Variants in TUBGCP6 observed in about 807,000 individuals in gnomAD.
TUBGCP6 encodes tubulin gamma complex component 6.
Under a neutral mutation model 175.8 loss-of-function variants are expected in TUBGCP6, and 161 were observed. The observed-to-expected ratio is 0.92, with a 90% confidence interval of 0.81 to 1.04. TUBGCP6 has a LOEUF of 1.04. Among genes scored for constraint, TUBGCP6 ranks in the 50% least tolerant of loss-of-function variants. TUBGCP6 has a pLI of 0.00. For synonymous variants in TUBGCP6, 1,173 were observed against 1,030.5 expected (o/e 1.14, Z -2.65); for missense variants, 2,572 against 2,433.0 (o/e 1.06, Z -1.20).
intron 13 of TUBGCP6, 36 bp downstream of exon 13, chr22:50,224,105 A>G: frequency 6.3e-7 from 1 of 1,597,844 alleles, no homozygotes; most frequent in Middle Eastern, 1.9e-4. Flanking sequence ...CCCCTGCCGC[A>G]CTGCACCCCT....
intron 1 of TUBGCP6, among the ~76,000 whole-genome samples, chr22:50,243,024 A>G (rs1186348207): frequency 6.6e-6 from 1 of 152,182 alleles, no homozygotes; most frequent in Non-Finnish European, 1.5e-5. Context: ...GATAAAAGGA[A>G]GGTCACCGGG....
chr22:50,222,173 A>G, intron 14 of TUBGCP6, 71 bp from the exon 15 acceptor site: 1 of 1,501,630 alleles, frequency 6.7e-7, no homozygotes, highest in Non-Finnish European at 9.2e-7. Context: ...ACAAAGCCAC[A>G]GCCCCTACCG....
At position 50,244,419 on chromosome 22, in the gene TUBGCP6, G is replaced by T. The variant is rs767514907; in HGVS notation, c.41C>A (p.Ala14Asp). The T allele has an allele frequency of 6.2e-7, 1 of 1,612,880 alleles. No individual in the cohort carries two copies. Residue 14 changes from alanine to aspartate, a missense_variant, in exon 1 of 25, where the codon GCC becomes GAC. Physicochemically the swap from Ala to Asp is moderately radical, Grantham distance 126. Transcript: ENST00000248846. ...ITQLFDDLCE[A>D]LLPAAKTHLG... is the part of the protein sequence containing the mutation. The stretch of plus-strand genomic sequence containing the variant: ...GTGAGTCTTGGCAGCCGGCAGGAGG[G>T]CCTCACACAGGTCGTCGAACAGCTG...
intron 22 of TUBGCP6, 28 bp downstream of exon 22, chr22:50,218,460 G>GGGGCGCC: frequency 1.2e-6 from 2 of 1,612,988 alleles, no homozygotes; most frequent in Non-Finnish European, 1.7e-6. Flanking sequence ...CCAGGGGTGC[G>GGGGCGCC]GGGCGCCGGG....
chr22:50,228,064 C>T (rs564566641), intron 4 of TUBGCP6, 36 bp from the exon 5 acceptor site: 18 of 1,503,048 alleles, frequency 1.2e-5, no homozygotes, highest in African/African-American at 4.1e-5. Context: ...GGCGGCCAGG[C>T]ACATGGACGC....
At chr22:50,242,219 G>A (rs1259554656) in intron 1 of TUBGCP6, among the ~76,000 whole-genome samples, 1 of 151,990 alleles carries the variant, frequency 6.6e-6, no homozygotes, top group Non-Finnish European at 1.5e-5. Context: ...GTGAACCTGG[G>A]AGGCAGAGCT....
Position 50,217,989 on chromosome 22 carries a change from T to TCTGCACCCCGCGGGCCCC in TUBGCP6, c.5279_5296dup (p.Gly1760_Ala1765dup), listed in dbSNP as rs1356293857. 6.2e-7 allele frequency: 1 copy of TCTGCACCCCGCGGGCCCC among 1,611,276 alleles called. No individual in the cohort carries two copies. Among genetic ancestry groups the TCTGCACCCCGCGGGCCCC allele is most frequent in the African/African-American group, 1.3e-5 (1 of 74,814 alleles). On this transcript the variant is annotated inframe_insertion, in exon 24 of 25. Coordinates refer to ENST00000248846, the MANE Select transcript of TUBGCP6 (RefSeq NM_020461.4). ...CTGCATGAGTGCAAAGTTGGGGTGC[T>TCTGCACCCCGCGGGCCCC]CTGCACCCCGCGGGCCCCCAGGGGG...
intron 1 of TUBGCP6, 141 bp from the exon 2 acceptor site, chr22:50,240,508 A>G (rs1163241344): frequency 1.9e-5 from 20 of 1,040,356 alleles, no homozygotes; most frequent in Admixed American, 2.7e-5. Context: ...GTACCATACA[A>G]TGTTTCCCAC....
At chr22:50,226,492 G>T in intron 7 of TUBGCP6, 114 bp from the exon 8 acceptor site, 1 of 963,538 alleles carries the variant, frequency 1.0e-6, no homozygotes, top group Non-Finnish European at 1.6e-6. Flanking sequence ...AAGTGGGGGC[G>T]TAGCTGTGAG....
At chr22:50,243,001 C>T (rs1237628111) in intron 1 of TUBGCP6, among the ~76,000 whole-genome samples, 1 of 152,202 alleles carries the variant, frequency 6.6e-6, no homozygotes, top group African/African-American at 2.4e-5. Flanking sequence ...CAGACTATCC[C>T]CCCTTTTACC....
Position 50,218,063 on chromosome 22 carries a change from G to C in TUBGCP6, c.5223C>G (p.Phe1741Leu). The C allele has an allele frequency of 6.2e-7, 1 of 1,613,486 alleles. No homozygotes were observed. The highest frequency in any genetic ancestry group is 8.5e-7 in the Non-Finnish European group (1 of 1,179,966). Residue 1741 changes from phenylalanine to leucine, a missense_variant, in exon 24 of 25, where the codon TTC becomes TTG. By Grantham distance (22) the Phe-to-Leu change is conservative (BLOSUM62 0). Coordinates refer to ENST00000248846, the MANE Select transcript of TUBGCP6 (RefSeq NM_020461.4). The part of the protein sequence containing the change: ...APVMNVIHSI[F>L]SLVLKFRSQL... ...GGCTGCGGAACTTGAGCACGAGGCTGAAGATGCTGTGGATGACGTTCATGA... is the reference window on the plus strand; with the variant it reads ...GGCTGCGGAACTTGAGCACGAGGCTCAAGATGCTGTGGATGACGTTCATGA...
At chr22:50,229,228 G>GT (rs2064657933) in intron 4 of TUBGCP6, among the ~76,000 whole-genome samples, 176 bp downstream of exon 4, 1 of 152,166 alleles carries the variant, frequency 6.6e-6, no homozygotes, top group African/African-American at 2.4e-5. Context: ...TTCTAGTGAG[G>GT]TAAAACATCC....
At position 50,243,869 on chromosome 22, in the gene TUBGCP6, T is replaced by A. The variant is rs924437370; in HGVS notation, c.591A>T (p.Ser197=). ...GTGLPTVGLF[S]FGDPCGDRFE... is the part of the protein sequence containing the mutation. Reference sequence around the variant, plus strand: ...ACCTGTCACCACAAGGGTCACCAAATGAGAAGAGCCCGACGGTGGGCAGGC... The same window carrying A: ...ACCTGTCACCACAAGGGTCACCAAAAGAGAAGAGCCCGACGGTGGGCAGGC... The change falls in exon 1 of 25, where the codon TCA becomes TCT. Residue 197 remains serine (S), a synonymous_variant. Transcript: ENST00000248846. 1 of 1,613,634 alleles carries A rather than the reference T, an allele frequency of 6.2e-7. No homozygotes were observed. The highest frequency in any genetic ancestry group is 1.3e-5 in the African/African-American group (1 of 74,948).
At position 50,218,369 on chromosome 22, in the gene TUBGCP6, A is replaced by T; in HGVS notation, c.4988T>A (p.Phe1663Tyr). Residue 1663 changes from phenylalanine to tyrosine, a missense_variant, in exon 23 of 25, where the codon TTC becomes TAC. By Grantham distance (22) the Phe-to-Tyr change is conservative. Transcript: ENST00000248846. ...GTGCTTGAACAGCTGCAGCTGACGG[A>T]ACTGCACAGAGCCGGCCATGTGGCT... ...LLSHMAGSVQ[F>Y]RQLQLFKHEM... 3.1e-6 allele frequency: 5 copies of T among 1,613,078 alleles called. No individual in the cohort carries two copies. Among genetic ancestry groups the T allele is most frequent in the Non-Finnish European group, 4.2e-6 (5 of 1,179,962 alleles).
rs781058339 is a variant in TUBGCP6, at chr22:50,218,832, C to T, written c.4692G>A (p.Lys1564=). 10 of 1,614,120 alleles carry T rather than the reference C, an allele frequency of 6.2e-6. No homozygotes were observed. Among genetic ancestry groups the T allele is most frequent in the South Asian group, 1.1e-5 (1 of 91,084 alleles). ...NPLVLNSVLS[K]ALQCSLHGDT... ...CCCCATGCAGGCTGCACTGCAGGGC[C>T]TTGCTCAGCACAGAGTTCAGCACCA... The change falls in exon 21 of 25, where the codon AAG becomes AAA. Residue 1564 remains lysine, a synonymous_variant. Transcript: ENST00000248846.
intron 2 of TUBGCP6, among the ~76,000 whole-genome samples, chr22:50,234,796 T>G (rs1164634216): frequency 7.4e-6 from 1 of 134,282 alleles, no homozygotes; most frequent in Non-Finnish European, 1.6e-5. Context: ...CACATCCAGG[T>G]CCACAGCAGC....
At chr22:50,229,353 T>C (rs1031787536) in intron 4 of TUBGCP6, 51 bp downstream of exon 4, 1 of 1,588,282 alleles carries the variant, frequency 6.3e-7, no homozygotes, top group African/African-American at 1.3e-5. Flanking sequence ...TTCCAGGTCG[T>C]GTGCACCGTT....
rs769433642 is a variant in TUBGCP6 at position 50,221,440 on chromosome 22, T to C, written c.2919A>G (p.Ala973=). The C allele has an allele frequency of 1.9e-6, 3 of 1,597,550 alleles. No individual in the cohort carries two copies. The highest frequency in any genetic ancestry group is 2.6e-6 in the Non-Finnish European group (3 of 1,174,662). The change falls in exon 16 of 25, where the codon GCA becomes GCG. Residue 973 remains alanine, a synonymous_variant. Transcript: ENST00000248846. ...TSPAPGPLQA[A]ECSLGSSGLQ... is the part of the protein sequence containing the mutation. ...GCCCTGAGCTGCCCAAGCTGCACTC[T>C]GCAGCCTGCAGGGGCCCTGGTGCAG... is the stretch of plus-strand genomic sequence containing the variant.
chr22:50,221,359 C>A lies in TUBGCP6; in HGVS notation c.3000G>T (p.Arg1000=), dbSNP rs148461181. The A allele has an allele frequency of 9.7e-5, 156 of 1,611,664 alleles. 1 individual carries two copies. The African/African-American group carries it at 1.9e-3, about 19-fold the overall frequency. ...GTGGGTGTGAGGGGAGCAGAGTCTCCCGCGAGGCGGAGCCACAGGCATCCA... is the reference window on the plus strand; with the variant it reads ...GTGGGTGTGAGGGGAGCAGAGTCTCACGCGAGGCGGAGCCACAGGCATCCA... ...GKMDACGSAS[R]ETLLPSHPPR... Residue 1000 remains arginine, a synonymous_variant, in exon 16 of 25, where the codon CGG becomes CGT. Transcript: ENST00000248846.
Sources: gnomAD v4.1 joint callset for allele counts (sites outside exome capture counted in the v4.1 genomes callset) on GRCh38, gnomAD v4.1.1 for gene constraint, MANE v1.5 for transcripts, NCBI Gene and HGNC (gene_info 2026-07-23, HGNC 2026-07-21) for gene names.